CD36: variants seen among roughly 807,000 people sequenced by gnomAD.
CD36 encodes platelet glycoprotein 4.
A neutral mutation model predicts 55.2 loss-of-function variants in CD36; 119 were observed. The observed-to-expected ratio is 2.15, with a 90% CI of 1.86 to 2.51. CD36 has a LOEUF of 2.51. Among genes scored for constraint, CD36 ranks in the 30% most tolerant of loss-of-function variants. The pLI is 0.00. For synonymous variants in CD36, 186 were observed against 193.6 expected (o/e 0.96, Z 0.33); for missense variants, 819 against 555.5 (o/e 1.47, Z -4.77).
At chr7:80,635,908 C>G (rs899237569), upstream of CD36, among the ~76,000 whole-genome samples, 3 of 152,106 alleles carry the variant, frequency 2.0e-5, no homozygotes, top group Admixed American at 6.6e-5. Flanking sequence ...TCTGTTTATT[C>G]AACTTATTAC....
intron 1 of CD36, among the ~76,000 whole-genome samples, chr7:80,618,463 A>G (rs1793286918): frequency 6.6e-6 from 1 of 152,196 alleles, no homozygotes; most frequent in Admixed American, 6.5e-5. Context: ...TTAGTGAGGA[A>G]GGCATATTGA....
At chr7:80,605,132 G>T (rs1792469651) in intron 1 of CD36, among the ~76,000 whole-genome samples, 1 of 152,072 alleles carries the variant, frequency 6.6e-6, no homozygotes, top group Non-Finnish European at 1.5e-5. Flanking sequence ...AAGTAAACTG[G>T]ATATCTACTT....
rs115529856 is a variant in CD36 at position 80,629,448 on chromosome 7, T to G, written c.-183-16640T>G. Among the ~76,000 whole-genome samples the G allele has an allele frequency of 2.4e-3, 359 of 152,198 alleles. 1 individual carries two copies. The highest frequency in any genetic ancestry group is 8.4e-3 in the African/African-American group (350 of 41,542). On this transcript the variant is annotated intron_variant, in intron 1 of 13. Coordinates refer to the CD36 transcript ENST00000309881. ...TATTTAATTAAATGAGAATATTAAA[T>G]AGTACCTTGACATTTTTAGAGGCAA...
intron 5 of CD36, among the ~76,000 whole-genome samples, chr7:80,661,956 C>T (rs1796566479): frequency 6.6e-6 from 1 of 152,128 alleles, no homozygotes; most frequent in Non-Finnish European, 1.5e-5. Context: ...AAATAAAGGG[C>T]ATTTGGTGCT....
At chr7:80,628,211 T>TA (rs143783523) in intron 1 of CD36, among the ~76,000 whole-genome samples, 3,508 of 151,958 alleles carry the variant, frequency 0.023, 154 homozygotes, top group African/African-American at 0.082. Context: ...CAGCATCAAA[T>TA]AAAAAAAATT....
At chr7:80,606,498 T>C (rs1445649606) in intron 1 of CD36, among the ~76,000 whole-genome samples, 2 of 152,216 alleles carry the variant, frequency 1.3e-5, no homozygotes, top group African/African-American at 4.8e-5. Context: ...AATCAATTCA[T>C]GAAGCTCATT....
intron 14 of CD36, chr7:80,674,535 C>T (rs777146597): frequency 3.6e-5 from 8 of 221,506 alleles, no homozygotes; most frequent in African/African-American, 7.1e-5. Context: ...ACATGCTGGC[C>T]GTGCATTTTC....
chr7:80,646,620 G>C, intron 2 of CD36, 32 bp from the exon 3 acceptor site: 1 of 1,187,554 alleles, frequency 8.4e-7, no homozygotes, highest in Admixed American at 1.8e-5. Flanking sequence ...TGATATTTAA[G>C]CTTCTGTTTT....
At chr7:80,672,061 T>G in intron 11 of CD36, 21 bp downstream of exon 11, 1 of 1,571,462 alleles carries the variant, frequency 6.4e-7, no homozygotes. Flanking sequence ...ACCTTATTGA[T>G]CTGATTTGGT....
rs1025060064 is a variant in CD36, at chr7:80,656,653, G to GA, written c.236dup (p.Asn79LysfsTer8). ...TGCAAAATCCACAGGAAGTGATGAT[G>GA]AACAGCAGCAACATTCAAGTTAAGC... On this transcript the variant is annotated frameshift_variant, in exon 4 of 15. Coordinates refer to ENST00000447544, the MANE Select transcript of CD36 (RefSeq NM_001001548.3). LOFTEE classifies it high-confidence loss of function. The GA allele has an allele frequency of 1.2e-5, 19 of 1,613,684 alleles. No homozygotes were observed. The highest frequency in any genetic ancestry group is 1.6e-5 in the Non-Finnish European group (19 of 1,179,820).
chr7:80,647,736 T>C (rs1795280236), intron 3 of CD36, among the ~76,000 whole-genome samples: 1 of 152,078 alleles, frequency 6.6e-6, no homozygotes, highest in Non-Finnish European at 1.5e-5. Flanking sequence ...CAAGATAAAA[T>C]GAAGAACAGG....
chr7:80,669,026 T>A (rs990997122), intron 8 of CD36, among the ~76,000 whole-genome samples: 1 of 152,142 alleles, frequency 6.6e-6, no homozygotes, highest in African/African-American at 2.4e-5. Flanking sequence ...AGAACTTTAG[T>A]AAATATTTTT....
intron 9 of CD36, chr7:80,670,580 G>A (rs1395113609): frequency 1.3e-5 from 3 of 238,420 alleles, no homozygotes; most frequent in Non-Finnish European, 2.5e-5. Context: ...CGATGGAAAT[G>A]TACCAGGTAT....
chr7:80,653,409 G>A (rs1248355521), intron 3 of CD36, among the ~76,000 whole-genome samples: 1 of 152,134 alleles, frequency 6.6e-6, no homozygotes, highest in Non-Finnish European at 1.5e-5. Context: ...CTACATATAG[G>A]ATATTAAGGT....
At chr7:80,649,391 C>A (rs1039404192) in intron 3 of CD36, among the ~76,000 whole-genome samples, 3 of 151,980 alleles carry the variant, frequency 2.0e-5, no homozygotes, top group Admixed American at 2.0e-4. Flanking sequence ...TAGGATATGA[C>A]CACTTTCAAG....
intron 2 of CD36, 44 bp from the exon 3 acceptor site, chr7:80,646,608 A>G (rs912960664): frequency 3.2e-5 from 33 of 1,039,484 alleles, no homozygotes; most frequent in Non-Finnish European, 4.3e-5. Context: ...ATCTTTTTGT[A>G]CTGATATTTA....
intron 1 of CD36, among the ~76,000 whole-genome samples, chr7:80,615,213 T>C (rs1175617805): frequency 2.0e-5 from 3 of 152,186 alleles, no homozygotes; most frequent in Admixed American, 2.0e-4. Context: ...TCGAGCTGAA[T>C]TTCTCAACCC....
In CD36 at chr7:80,670,492, A is replaced by G. The variant is rs138739811; in HGVS notation, c.818+470A>G. On this transcript the variant is annotated intron_variant, in intron 9 of 14. Transcript: ENST00000447544. ...TTTTCTTATCTGTACAATTTAAGAC[A>G]GCAGTATTTCTTCATATACGTGTAT... The G allele has an allele frequency of 4.6e-4, 102 of 222,538 alleles. 1 individual carries two copies. In the East Asian group the frequency reaches 0.011, roughly 25 times the overall value. The allele number at this position is 222,538 out of a possible 1,614,324, so 13.8% of individuals were successfully genotyped here.
At chr7:80,666,519 G>C in intron 8 of CD36, 30 bp downstream of exon 8, 1 of 1,543,110 alleles carries the variant, frequency 6.5e-7, no homozygotes, top group Non-Finnish European at 9.0e-7. Context: ...GGTCATCACA[G>C]TTAATCCACC....
Sources: allele counts gnomAD v4.1 joint callset (sites outside exome capture counted in the v4.1 genomes callset), GRCh38; gene constraint gnomAD v4.1.1; transcripts MANE v1.5; gene names NCBI Gene and HGNC (gene_info 2026-07-23, HGNC 2026-07-21).